Variants in DENND4C observed in about 807,000 individuals in gnomAD.
DENND4C encodes the protein DENN domain containing 4C.
In DENND4C, 108 loss-of-function variants were observed where a neutral mutation model predicts 203.0. That is an observed-to-expected ratio of 0.53 (90% confidence interval 0.46 to 0.62). The LOEUF is 0.62. Among genes scored for constraint, DENND4C ranks in the 20% least tolerant of loss-of-function variants. The pLI, the probability that DENND4C is intolerant of heterozygous loss-of-function variation, is 0.00. For missense variants in DENND4C, 2,481 were observed against 2,301.2 expected, an observed-to-expected ratio of 1.08 and a Z score of -1.60; for synonymous variants, 871 against 792.4, an observed-to-expected ratio of 1.10 and a Z score of -1.67.
chr9:19,235,025 G>GTGATCTCAGTGA (rs1564070771), intron 1 of DENND4C, among the ~76,000 whole-genome samples: 9 of 151,240 alleles, frequency 6.0e-5, no homozygotes, highest in Non-Finnish European at 1.2e-4. Context: ...GGTGCAATGG[G>GTGATCTCAGTGA]GTGATCTCAG....
At chr9:19,315,427 CT>C (rs1482752517) in intron 10 of DENND4C, among the ~76,000 whole-genome samples, 3 of 151,076 alleles carry the variant, frequency 2.0e-5, no homozygotes, top group Non-Finnish European at 4.4e-5. Flanking sequence ...TTTATGCTAA[CT>C]TTTGTAAGAA....
Position 19,358,861 on chromosome 9 carries a change from A to C in DENND4C, c.5160+701A>C, listed in dbSNP as rs571397055. Among the ~76,000 whole-genome samples the C allele has an allele frequency of 6.6e-6, 1 of 151,704 alleles. No individual in the cohort carries two copies. The highest frequency in any genetic ancestry group is 1.5e-5 in the Non-Finnish European group (1 of 68,008). On this transcript the variant is annotated intron_variant, in intron 28 of 32. Coordinates refer to ENST00000434457, the MANE Select transcript of DENND4C (RefSeq NM_001330640.2). This position sits in a 1 kb window ranked among gnomAD's most constrained non-coding sequence, Gnocchi z 4.8. ...TGATCAGATTTGGGGTTTTTGTGTT[A>C]GTGTTCATTTGCTTGTTTATTTTTG...
chr9:19,328,631 G>GTGTCTGTCTGTC (rs200869394), intron 16 of DENND4C, among the ~76,000 whole-genome samples: 15 of 145,750 alleles, frequency 1.0e-4, no homozygotes, highest in African/African-American at 3.0e-4. Flanking sequence ...GTCTATATAT[G>GTGTCTGTCTGTC]TGTCTGTCTG....
At chr9:19,278,461 T>G (rs1236251484) in intron 2 of DENND4C, among the ~76,000 whole-genome samples, 1 of 152,124 alleles carries the variant, frequency 6.6e-6, no homozygotes. Flanking sequence ...GTTCAGGTAT[T>G]AAGGGGTAGC....
intron 5 of DENND4C, among the ~76,000 whole-genome samples, chr9:19,294,638 C>T (rs371182341): frequency 1.3e-5 from 2 of 152,114 alleles, no homozygotes; most frequent in South Asian, 2.1e-4. Flanking sequence ...ACAACCCAAA[C>T]GTGCATCAAC....
chr9:19,300,791 C>G (rs762111195), intron 9 of DENND4C, among the ~76,000 whole-genome samples: 36 of 152,160 alleles, frequency 2.4e-4, no homozygotes, highest in Non-Finnish European at 4.7e-4. Flanking sequence ...AGGCTTAGCT[C>G]TTGTGTAAAG....
chr9:19,316,797 T>C lies in DENND4C; in HGVS notation c.1765T>C (p.Ser589Pro), dbSNP rs772708127. Reference protein sequence around the residue: ...TYLRPITEAPSNKATAADSLF... With the variant: ...TYLRPITEAPPNKATAADSLF... The stretch of plus-strand genomic sequence containing the variant: ...TCTCAGACCAATCACAGAGGCTCCT[T>C]CAAATAAAGCCACAGCTGCTGATTC... Residue 589 changes from serine to proline, a missense_variant, in exon 12 of 33, where the codon TCA (serine) becomes CCA (proline). Physicochemically the swap from Ser to Pro is moderately conservative, Grantham distance 74 (BLOSUM62 -1). Transcript: ENST00000434457. 6.2e-7 allele frequency: 1 copy of C among 1,613,846 alleles called. No homozygotes were observed. The highest frequency in any genetic ancestry group is 8.5e-7 in the Non-Finnish European group (1 of 1,179,934).
At position 19,316,504 on chromosome 9, in the gene DENND4C, C is replaced by G; in HGVS notation, c.1575C>G (p.Pro525=). ...TTAGCACCTTAAAGAAATTGTATCC[C>G]CAGCTGTCTTCAGGTAATGTGAGGG... ...NLLSTLKKLY[P]QLSSVHQKTQ... Residue 525 remains proline (P), a synonymous_variant, in exon 11 of 33, where the codon CCC becomes CCG. Transcript: ENST00000434457. 1 of 1,613,168 alleles carries G rather than the reference C, an allele frequency of 6.2e-7. No individual in the cohort carries two copies. The highest frequency in any genetic ancestry group is 1.1e-5 in the South Asian group (1 of 90,724).
At chr9:19,284,996 C>T (rs1162546037) in intron 2 of DENND4C, among the ~76,000 whole-genome samples, 1 of 152,086 alleles carries the variant, frequency 6.6e-6, no homozygotes, top group Non-Finnish European at 1.5e-5. Flanking sequence ...TGATTTAATT[C>T]CTTATGTTTA....
intron 1 of DENND4C, among the ~76,000 whole-genome samples, chr9:19,262,818 C>T (rs1829700971): frequency 6.6e-6 from 1 of 152,198 alleles, no homozygotes; most frequent in South Asian, 2.1e-4. Flanking sequence ...ATCCACCTGC[C>T]TTGGCCTCCC....
chr9:19,242,602 T>C (rs1010819477), intron 1 of DENND4C, among the ~76,000 whole-genome samples: 1 of 152,210 alleles, frequency 6.6e-6, no homozygotes, highest in Non-Finnish European at 1.5e-5. Context: ...TCAGTTTTTT[T>C]GATTGTAGCT....
intron 1 of DENND4C, among the ~76,000 whole-genome samples, chr9:19,267,413 A>T (rs777528103): frequency 2.0e-5 from 3 of 152,202 alleles, no homozygotes; most frequent in African/African-American, 7.2e-5. Flanking sequence ...ATCTGATACA[A>T]GTATACCTAC....
At chr9:19,333,345 T>C (rs1267386857) in intron 17 of DENND4C, among the ~76,000 whole-genome samples, 1 of 152,132 alleles carries the variant, frequency 6.6e-6, no homozygotes, top group East Asian at 1.9e-4. Flanking sequence ...TTGGATTATC[T>C]ATTAGAAAAT....
intron 4 of DENND4C, 28 bp from the exon 5 acceptor site, chr9:19,290,676 A>C: frequency 7.4e-7 from 1 of 1,345,224 alleles, no homozygotes. Flanking sequence ...CTATTTAAAA[A>C]ATTTATTGTT....
At chr9:19,279,569 T>C (rs4977525) in intron 2 of DENND4C, among the ~76,000 whole-genome samples, 37,235 of 150,144 alleles carry the variant, frequency 0.25, 4,718 homozygotes, top group East Asian at 0.44. Flanking sequence ...TCCTGCTACT[T>C]GGGAGGCTGA....
intron 1 of DENND4C, among the ~76,000 whole-genome samples, chr9:19,264,596 CA>C (rs1389016096): frequency 6.6e-6 from 1 of 152,146 alleles, no homozygotes; most frequent in African/African-American, 2.4e-5. Flanking sequence ...CGTTAGCCAC[CA>C]TGCCTGGCCA....
At chr9:19,285,891 C>G (rs1835111304) in intron 2 of DENND4C, among the ~76,000 whole-genome samples, 1 of 152,114 alleles carries the variant, frequency 6.6e-6, no homozygotes, top group Admixed American at 6.5e-5. Context: ...TAATTTTGGA[C>G]ACTCCATTTT....
chr9:19,302,863 C>G (rs1196935610), intron 9 of DENND4C, among the ~76,000 whole-genome samples: 3 of 152,196 alleles, frequency 2.0e-5, no homozygotes, highest in Non-Finnish European at 4.4e-5. Context: ...ATCCCCTTGG[C>G]TAAATCTCTC....
intron 12 of DENND4C, among the ~76,000 whole-genome samples, chr9:19,323,287 AGTC>A (rs1337691982): frequency 1.3e-5 from 2 of 152,056 alleles, no homozygotes; most frequent in Non-Finnish European, 2.9e-5. Context: ...AAAATTAGCC[AGTC>A]GTGGTGATGG....
Sources: gnomAD v4.1 joint callset for allele counts (sites outside exome capture counted in the v4.1 genomes callset) on GRCh38, gnomAD v4.1.1 for gene constraint, Gnocchi (gnomAD v3.1) non-coding constraint, MANE v1.5 for transcripts, NCBI Gene and HGNC (gene_info 2026-07-23, HGNC 2026-07-21) for gene names.